XKR9: variants seen among roughly 807,000 people sequenced by gnomAD.
The protein encoded by XKR9 is XK related 9.
XKR9 carries 32 observed loss-of-function variants against 32.0 expected under a neutral mutation model. The ratio of observed to expected loss-of-function variants is 1.00; its 90% confidence interval spans 0.76 to 1.34. XKR9 has a LOEUF of 1.34. Ranked by LOEUF, XKR9 falls within the 40% of genes most tolerant of loss-of-function variation. The probability of loss-of-function intolerance (pLI) is 0.00; values close to 1 mark genes in which losing one functional copy is unlikely to be tolerated. For synonymous variants in XKR9, 168 were observed against 143.4 expected (o/e 1.17, Z -1.22); for missense variants, 546 against 429.7 (o/e 1.27, Z -2.39).
chr8:70,813,413 A>G, the XKR9 span, among the ~76,000 whole-genome samples: 1 of 152,236 alleles, frequency 6.6e-6, no homozygotes, highest in Non-Finnish European at 1.5e-5. Context: ...ACCAAAAGCA[A>G]TGGCAACAAA....
chr8:70,737,035 T>C (rs1806876015), downstream of XKR9, among the ~76,000 whole-genome samples: 2 of 152,204 alleles, frequency 1.3e-5, no homozygotes, highest in African/African-American at 4.8e-5. Flanking sequence ...GGGGATGACA[T>C]TGAATCTATA....
chr8:71,035,526 T>A, the XKR9 span, among the ~76,000 whole-genome samples: 2 of 152,200 alleles, frequency 1.3e-5, no homozygotes, highest in Non-Finnish European at 2.9e-5. Flanking sequence ...GTTGCAACCA[T>A]AGGAATTTGG....
the XKR9 span, among the ~76,000 whole-genome samples, chr8:70,966,034 T>A: frequency 6.6e-6 from 1 of 152,172 alleles, no homozygotes; most frequent in African/African-American, 2.4e-5. Context: ...TATTTCTTCC[T>A]TTTTCATGTG....
the XKR9 span, among the ~76,000 whole-genome samples, chr8:70,960,542 C>T: frequency 1.3e-5 from 2 of 152,090 alleles, no homozygotes; most frequent in Non-Finnish European, 2.9e-5. Flanking sequence ...CTTACTCCTC[C>T]CCACTGCAGT....
At chr8:70,780,637 C>T (rs73684550) in intron 2 of XKR9, among the ~76,000 whole-genome samples, 11,072 of 152,062 alleles carry the variant, frequency 0.073, 476 homozygotes, top group Non-Finnish European at 0.089. Flanking sequence ...GCATGACTGC[C>T]GACAGCATGA....
the XKR9 span, among the ~76,000 whole-genome samples, chr8:70,855,715 G>T: frequency 2.0e-5 from 3 of 152,220 alleles, no homozygotes; most frequent in Non-Finnish European, 4.4e-5. Context: ...AAATGTTAAG[G>T]GCAGCCAGAG....
At chr8:70,905,908 G>T in the XKR9 span, among the ~76,000 whole-genome samples, 1 of 152,216 alleles carries the variant, frequency 6.6e-6, no homozygotes, top group Non-Finnish European at 1.5e-5. Flanking sequence ...GACCCTGTTT[G>T]CCTGTGTTAT....
At chr8:70,841,011 TTA>T in the XKR9 span, among the ~76,000 whole-genome samples, 1 of 152,190 alleles carries the variant, frequency 6.6e-6, no homozygotes, top group African/African-American at 2.4e-5. Flanking sequence ...AGGTATATCA[TTA>T]TGTTTCCATT....
the XKR9 span, among the ~76,000 whole-genome samples, chr8:70,930,629 A>G: frequency 4.6e-5 from 7 of 152,348 alleles, no homozygotes; most frequent in Middle Eastern, 0.02. Context: ...AACATATTTC[A>G]ACTGCTTTTA....
At chr8:71,013,853 A>C in the XKR9 span, among the ~76,000 whole-genome samples, 1 of 152,122 alleles carries the variant, frequency 6.6e-6, no homozygotes, top group Non-Finnish European at 1.5e-5. Context: ...GGTGAAAGAA[A>C]GACTTTAACT....
chr8:70,700,534 C>A (rs192053752), intron 3 of XKR9, among the ~76,000 whole-genome samples: 2 of 152,134 alleles, frequency 1.3e-5, no homozygotes, highest in Non-Finnish European at 2.9e-5. Flanking sequence ...TCTGATCGTT[C>A]CTCTGGAAGT....
the XKR9 span, among the ~76,000 whole-genome samples, chr8:71,062,576 A>G: frequency 6.6e-6 from 1 of 152,308 alleles, no homozygotes; most frequent in South Asian, 2.1e-4. Flanking sequence ...AGAGAGAGAC[A>G]TCATTTGAGC....
chr8:70,698,113 T>C (rs1308802396), intron 3 of XKR9, among the ~76,000 whole-genome samples: 1 of 152,214 alleles, frequency 6.6e-6, no homozygotes, highest in Admixed American at 6.5e-5. Context: ...CTATCAATTT[T>C]GTTGATCCTT....
At chr8:70,896,486 T>C in the XKR9 span, among the ~76,000 whole-genome samples, 1 of 152,012 alleles carries the variant, frequency 6.6e-6, no homozygotes, top group Non-Finnish European at 1.5e-5. Flanking sequence ...CGGTCGTTTG[T>C]AGTATTATTA....
chr8:70,873,939 C>T, the XKR9 span, among the ~76,000 whole-genome samples: 1 of 152,180 alleles, frequency 6.6e-6, no homozygotes, highest in Admixed American at 6.5e-5. Flanking sequence ...CCACATCATC[C>T]CAATCTCCAG....
the XKR9 span, among the ~76,000 whole-genome samples, chr8:70,950,871 A>G: frequency 6.6e-6 from 1 of 151,936 alleles, no homozygotes; most frequent in East Asian, 1.9e-4. Context: ...ATGGAGTTTC[A>G]CCATGTTGGC....
chr8:71,062,275 C>G, the XKR9 span, among the ~76,000 whole-genome samples: 149 of 152,238 alleles, frequency 9.8e-4, no homozygotes, highest in African/African-American at 3.5e-3. Context: ...GACTGGGTGG[C>G]TTTATTTTAA....
the XKR9 span, among the ~76,000 whole-genome samples, chr8:70,941,067 A>G: frequency 9.9e-5 from 15 of 152,174 alleles, no homozygotes; most frequent in East Asian, 2.7e-3. Context: ...TGCTACTACC[A>G]CCATCTAGTT....
chr8:70,913,906 C>G, the XKR9 span, among the ~76,000 whole-genome samples: 1 of 152,070 alleles, frequency 6.6e-6, no homozygotes, highest in Non-Finnish European at 1.5e-5. Context: ...TGGGATTTAT[C>G]TATGTTGTGT....
Sources: gnomAD v4.1 joint callset for allele counts (sites outside exome capture counted in the v4.1 genomes callset) on GRCh38, gnomAD v4.1.1 for gene constraint, MANE v1.5 for transcripts, NCBI Gene and HGNC (gene_info 2026-07-23, HGNC 2026-07-21) for gene names.